Variants in MRTFA observed in about 807,000 individuals in gnomAD.
MRTFA encodes the protein myocardin related transcription factor A.
A neutral mutation model predicts 83.5 loss-of-function variants in MRTFA; 20 were observed. The ratio of observed to expected loss-of-function variants is 0.24; its 90% CI spans 0.17 to 0.35. MRTFA has a LOEUF of 0.35. Ranked by LOEUF, MRTFA falls within the 10% of genes least tolerant of loss-of-function variation. MRTFA has a pLI of 1.00. For missense variants in MRTFA, 1,200 were observed against 1,224.7 expected, an observed-to-expected ratio of 0.98 and a Z score of 0.30; for synonymous variants, 659 against 541.2, an observed-to-expected ratio of 1.22 and a Z score of -3.02.
intron 4 of MRTFA, 44 bp downstream of exon 4, chr22:40,463,177 T>C (rs1198328399): frequency 6.5e-7 from 1 of 1,539,746 alleles, no homozygotes; most frequent in Admixed American, 1.7e-5. Flanking sequence ...CACAGCCATG[T>C]CCTAAAAGCA....
chr22:40,593,724 T>C (rs2056152578), intron 2 of MRTFA, among the ~76,000 whole-genome samples: 2 of 152,224 alleles, frequency 1.3e-5, no homozygotes, highest in Admixed American at 1.3e-4. Flanking sequence ...TCTTTGTGAC[T>C]GAGAGAAAGC....
intron 1 of MRTFA, among the ~76,000 whole-genome samples, chr22:40,609,058 C>T (rs369634002): frequency 1.3e-5 from 2 of 151,964 alleles, no homozygotes; most frequent in East Asian, 1.9e-4. Context: ...TTTGGGAGGC[C>T]GAGGCAGGCG....
intron 2 of MRTFA, among the ~76,000 whole-genome samples, chr22:40,566,061 A>G (rs1320617084): frequency 6.6e-6 from 1 of 152,224 alleles, no homozygotes; most frequent in Non-Finnish European, 1.5e-5. Flanking sequence ...CAGAGGGAAC[A>G]GCATATGCAA....
At chr22:40,479,480 C>T (rs994708705) in intron 3 of MRTFA, among the ~76,000 whole-genome samples, 3 of 152,066 alleles carry the variant, frequency 2.0e-5, no homozygotes, top group Non-Finnish European at 4.4e-5. Flanking sequence ...TTTCCTTTCC[C>T]TTTCTTCTGC....
intron 2 of MRTFA, among the ~76,000 whole-genome samples, chr22:40,583,200 C>G (rs2055976366): frequency 1.3e-5 from 2 of 152,210 alleles, no homozygotes; most frequent in Admixed American, 1.3e-4. Flanking sequence ...AATATAGCCA[C>G]ATGACAGCTC....
rs867916040 is a variant in MRTFA at position 40,610,220 on chromosome 22, A to G, written c.-83-15485T>C. Among the ~76,000 whole-genome samples, 11 of 151,294 alleles carry G rather than the reference A, an allele frequency of 7.3e-5. No individual in the cohort carries two copies. In the Middle Eastern group the frequency reaches 0.01, roughly 140 times the overall value. ...TGCCACCATGCCCAGCTAATATTTT[A>G]TATTTTTAGTAGAGATAAGGTTTCA... On this transcript the variant is annotated intron_variant, in intron 1 of 14. Transcript: ENST00000355630.
chr22:40,418,394 A>G lies in MRTFA; in HGVS notation c.2344T>C (p.Ser782Pro), dbSNP rs1198152954. 2 of 1,613,394 alleles carry G rather than the reference A, an allele frequency of 1.2e-6. No individual in the cohort carries two copies. Among genetic ancestry groups the G allele is most frequent in the Admixed American group, 3.3e-5 (2 of 59,948 alleles). ...GGTACCTGCTGGGGGCTCCCACTGG[A>G]CAGGCCAGGGCTGTCTGCATTCTTA... The change falls in exon 12 of 15, where the codon TCC becomes CCC. Residue 782 changes from serine to proline, a missense_variant. Transcript: ENST00000355630.
chr22:40,416,661 G>C lies in MRTFA; in HGVS notation c.2578+325C>G, dbSNP rs953784291. Among the ~76,000 whole-genome samples, 1 of 152,180 alleles carries C rather than the reference G, an allele frequency of 6.6e-6. No homozygotes were observed. The highest frequency in any genetic ancestry group is 1.9e-4 in the East Asian group (1 of 5,188). ...CCATTTTTGTCCTAAGGCTCCTCTC[G>C]GATCTTCCATATGATCTGCTTATTT... On this transcript the variant is annotated intron_variant, in intron 14 of 14. Transcript: ENST00000355630. The surrounding 1 kb of genome is among the most constrained non-coding windows in gnomAD (Gnocchi z 4.2).
chr22:40,519,717 A>AAT, intron 3 of MRTFA: 6 of 730,084 alleles, frequency 8.2e-6, no homozygotes, highest in Non-Finnish European at 9.7e-6. Flanking sequence ...TGAAAAGCAC[A>AAT]ATAATGGAGT....
intron 2 of MRTFA, among the ~76,000 whole-genome samples, chr22:40,561,848 C>G (rs2055623104): frequency 6.6e-6 from 1 of 152,104 alleles, no homozygotes; most frequent in South Asian, 2.1e-4. Context: ...CAATCGAGAA[C>G]AGTGAAAGTG....
At chr22:40,536,129 AAAAAAAAAAAAAAG>A (rs1407613384) in intron 3 of MRTFA, among the ~76,000 whole-genome samples, 1 of 141,372 alleles carries the variant, frequency 7.1e-6, no homozygotes, top group African/African-American at 2.6e-5. Flanking sequence ...CATCTCTACC[AAAAAAAAAAAAAAG>A]AAAAAGAAAA....
intron 3 of MRTFA, among the ~76,000 whole-genome samples, chr22:40,464,752 C>T (rs1337503793): frequency 2.0e-5 from 3 of 152,148 alleles, no homozygotes; most frequent in Admixed American, 2.0e-4. Context: ...GCCTACATCT[C>T]AAATTCAGTA....
chr22:40,515,595 G>C (rs2054744634), intron 3 of MRTFA, among the ~76,000 whole-genome samples: 1 of 151,998 alleles, frequency 6.6e-6, no homozygotes, highest in Non-Finnish European at 1.5e-5. Flanking sequence ...TGGGTGGCTG[G>C]GGCACGAGAA....
intron 3 of MRTFA, among the ~76,000 whole-genome samples, chr22:40,518,568 C>A (rs1461257555): frequency 6.6e-6 from 1 of 151,658 alleles, no homozygotes; most frequent in Non-Finnish European, 1.5e-5. Flanking sequence ...CCGAGGTGGG[C>A]GGATCACAAA....
chr22:40,435,361 GGCCAGGGCT>G (rs1448147115), intron 5 of MRTFA, 129 bp downstream of exon 5: 5 of 867,358 alleles, frequency 5.8e-6, no homozygotes, highest in Non-Finnish European at 9.6e-6. Context: ...AAAACCACAA[GGCCAGGGCT>G]GGCCCTAGAG....
At chr22:40,588,697 C>A (rs1431792302) in intron 2 of MRTFA, among the ~76,000 whole-genome samples, 3 of 152,134 alleles carry the variant, frequency 2.0e-5, no homozygotes, top group African/African-American at 4.8e-5. Flanking sequence ...ATCATATAGT[C>A]TGGGCCAGAT....
chr22:40,616,005 T>G (rs1602498576), intron 1 of MRTFA, among the ~76,000 whole-genome samples: 1 of 152,230 alleles, frequency 6.6e-6, no homozygotes, highest in African/African-American at 2.4e-5. Context: ...TTTAATTATT[T>G]CATTAAGTTT....
chr22:40,544,124 G>A (rs1602410284), intron 3 of MRTFA, among the ~76,000 whole-genome samples: 1 of 152,184 alleles, frequency 6.6e-6, no homozygotes, highest in East Asian at 1.9e-4. Context: ...AAATTAACTT[G>A]TGTCTTACCT....
At chr22:40,450,601 G>A (rs990014680) in intron 4 of MRTFA, among the ~76,000 whole-genome samples, 9 of 147,460 alleles carry the variant, frequency 6.1e-5, no homozygotes, top group African/African-American at 1.0e-4. Flanking sequence ...GATTACAGGC[G>A]CCTGCCACCA....
Sources: gnomAD v4.1 joint callset for allele counts (sites outside exome capture counted in the v4.1 genomes callset) on GRCh38, gnomAD v4.1.1 for gene constraint, Gnocchi (gnomAD v3.1) non-coding constraint, MANE v1.5 for transcripts, NCBI Gene and HGNC (gene_info 2026-07-23, HGNC 2026-07-21) for gene names.